EPHA6: variants seen among roughly 807,000 people sequenced by gnomAD.
The protein encoded by EPHA6 is EPH receptor A6.
EPHA6 carries 50 observed loss-of-function variants against 112.0 expected under a neutral mutation model. The observed-to-expected ratio is 0.45, with a 90% CI of 0.36 to 0.56. The LOEUF is 0.56. EPHA6 is among the 20% of genes least tolerant of loss of function. The pLI is 0.00. For synonymous variants in EPHA6, 529 were observed against 490.7 expected (o/e 1.08, Z -1.03); for missense variants, 1,280 against 1,417.4 (o/e 0.90, Z 1.56).
intron 14 of EPHA6, among the ~76,000 whole-genome samples, chr3:97,717,752 A>G (rs113373274): frequency 0.017 from 2,627 of 152,328 alleles, 75 homozygotes; most frequent in African/African-American, 0.06. Flanking sequence ...GAGCAATGCC[A>G]TTAATCAAAT....
At chr3:97,557,300 A>G (rs2107134988) in intron 11 of EPHA6, among the ~76,000 whole-genome samples, 1 of 152,128 alleles carries the variant, frequency 6.6e-6, no homozygotes, top group East Asian at 1.9e-4. Context: ...CAATACAATT[A>G]TTTGTAAAAG....
intron 11 of EPHA6, among the ~76,000 whole-genome samples, chr3:97,554,794 A>C (rs774797499): frequency 6.6e-6 from 1 of 151,972 alleles, no homozygotes; most frequent in Non-Finnish European, 1.5e-5. Context: ...CATGGTGGTC[A>C]TGTTTTCTGT....
At chr3:97,020,811 T>C (rs985394127) in intron 3 of EPHA6, among the ~76,000 whole-genome samples, 1 of 152,194 alleles carries the variant, frequency 6.6e-6, no homozygotes, top group Non-Finnish European at 1.5e-5. Flanking sequence ...CTTAAGAGTC[T>C]GTTCTTAACC....
At chr3:97,164,545 C>A (rs1231321549) in intron 3 of EPHA6, among the ~76,000 whole-genome samples, 11 of 151,898 alleles carry the variant, frequency 7.2e-5, no homozygotes, top group Admixed American at 7.2e-4. Context: ...TAAGTAGAGG[C>A]TTGGTTTAAA....
chr3:97,373,183 A>G (rs1046143811), intron 5 of EPHA6, among the ~76,000 whole-genome samples: 2 of 152,190 alleles, frequency 1.3e-5, no homozygotes, highest in Non-Finnish European at 2.9e-5. Flanking sequence ...AATGAAAAGT[A>G]TATTCACAAT....
At chr3:97,176,978 G>C (rs1406082906) in intron 3 of EPHA6, among the ~76,000 whole-genome samples, 5 of 151,414 alleles carry the variant, frequency 3.3e-5, no homozygotes, top group Non-Finnish European at 7.4e-5. Flanking sequence ...TCATCAGATT[G>C]TTTATTTGGA....
intron 3 of EPHA6, among the ~76,000 whole-genome samples, chr3:97,135,311 C>G (rs1003251153): frequency 6.6e-6 from 1 of 152,148 alleles, no homozygotes; most frequent in Non-Finnish European, 1.5e-5. Context: ...ATTTCGGCTC[C>G]AGTTGAGCTT....
chr3:97,054,981 G>A (rs1488807500), intron 3 of EPHA6, among the ~76,000 whole-genome samples: 1 of 152,016 alleles, frequency 6.6e-6, no homozygotes, highest in Non-Finnish European at 1.5e-5. Context: ...AAATAATGAA[G>A]ATGATTCTGC....
chr3:97,103,916 T>C (rs976345047), intron 3 of EPHA6, among the ~76,000 whole-genome samples: 2 of 152,056 alleles, frequency 1.3e-5, no homozygotes, highest in Admixed American at 1.3e-4. Context: ...TAATTGTGAA[T>C]GTGTTTTAAT....
chr3:97,354,898 T>C (rs565092400), intron 5 of EPHA6, among the ~76,000 whole-genome samples: 1 of 152,316 alleles, frequency 6.6e-6, no homozygotes, highest in South Asian at 2.1e-4. Context: ...CTCCAATATG[T>C]CTGGCAGAAG....
intron 5 of EPHA6, among the ~76,000 whole-genome samples, chr3:97,368,218 T>A (rs1044217788): frequency 2.6e-5 from 4 of 152,188 alleles, no homozygotes; most frequent in African/African-American, 9.6e-5. Context: ...TTTTAATTTC[T>A]ATGGTCTTAG....
chr3:97,081,250 AT>A lies in EPHA6; in HGVS notation c.1114+93261del, dbSNP rs1357657753. 3.1e-4 allele frequency among the ~76,000 whole-genome samples: 47 copies of A among 152,062 alleles called. No individual in the cohort carries two copies. In the East Asian group the frequency reaches 8.9e-3, roughly 29 times the overall value. The stretch of plus-strand genomic sequence containing the variant: ...TGAAAATTTTAAAATATCTTCCAAA[AT>A]TTTAGGAAAAATTACAAATAAACTA... On this transcript the variant is annotated intron_variant, in intron 3 of 17. Coordinates refer to ENST00000389672, the MANE Select transcript of EPHA6 (RefSeq NM_001080448.3).
chr3:97,509,724 T>A (rs1187381655), intron 10 of EPHA6, among the ~76,000 whole-genome samples: 1 of 152,172 alleles, frequency 6.6e-6, no homozygotes, highest in Non-Finnish European at 1.5e-5. Flanking sequence ...TGAATTTGAA[T>A]TTTGTCCTGT....
chr3:96,996,478 A>C (rs2043427209), intron 3 of EPHA6, among the ~76,000 whole-genome samples: 1 of 152,084 alleles, frequency 6.6e-6, no homozygotes, highest in Admixed American at 6.6e-5. Context: ...ATATTTCTTA[A>C]GCCATAAGAC....
intron 5 of EPHA6, among the ~76,000 whole-genome samples, chr3:97,346,426 T>C (rs529148240): frequency 6.6e-6 from 1 of 152,122 alleles, no homozygotes; most frequent in African/African-American, 2.4e-5. Context: ...ATAATAAGTG[T>C]CTTCAAAGTA....
intron 3 of EPHA6, among the ~76,000 whole-genome samples, chr3:97,031,932 C>A (rs186174017): frequency 1.4e-4 from 21 of 152,226 alleles, no homozygotes; most frequent in Middle Eastern, 3.4e-3. Flanking sequence ...TTTGACCCAG[C>A]CATCCCGTTA....
chr3:97,248,211 A>G (rs1307437239), intron 5 of EPHA6, among the ~76,000 whole-genome samples: 8 of 152,044 alleles, frequency 5.3e-5, no homozygotes, highest in Non-Finnish European at 7.4e-5. Context: ...GACTTTCATC[A>G]TAAGGAATCT....
rs763553903 is a variant in EPHA6, at chr3:97,535,498, A to T, written c.2386+2955A>T. On this transcript the variant is annotated intron_variant, in intron 11 of 17. Transcript: ENST00000389672. ...ATGGAGAAGGGAATAATCCTCGTAA[A>T]GATAAATGGGCAGGTTTATATTGTT... 1.1e-4 allele frequency among the ~76,000 whole-genome samples: 17 copies of T among 152,074 alleles called. 1 individual carries two copies. The highest frequency in any genetic ancestry group is 1.3e-4 in the Non-Finnish European group (9 of 67,974).
At position 97,243,937 on chromosome 3, in the gene EPHA6, A is replaced by T; in HGVS notation, c.1271-15A>T. ...CCTATATATGTACATTTGTTTTTTAATTGCTTTTCTCTAGGGCCACCTTCA... is the reference window on the plus strand; with the variant it reads ...CCTATATATGTACATTTGTTTTTTATTTGCTTTTCTCTAGGGCCACCTTCA... On this transcript the variant is annotated splice_polypyrimidine_tract_variant and intron_variant, in intron 4 of 17. Coordinates refer to ENST00000389672, the MANE Select transcript of EPHA6 (RefSeq NM_001080448.3). The T allele has an allele frequency of 6.4e-7, 1 of 1,568,580 alleles. No individual in the cohort carries two copies. Among genetic ancestry groups the T allele is most frequent in the Admixed American group, 1.9e-5 (1 of 53,266 alleles).
Sources: allele counts gnomAD v4.1 joint callset (sites outside exome capture counted in the v4.1 genomes callset), GRCh38; gene constraint gnomAD v4.1.1; transcripts MANE v1.5; gene names NCBI Gene and HGNC (gene_info 2026-07-23, HGNC 2026-07-21).